Variants in H2AZ2 observed in about 807,000 individuals in gnomAD.
H2AZ2 encodes H2A.Z variant histone 2.
In H2AZ2, 5 loss-of-function variants were observed where a neutral mutation model predicts 15.5. The observed-to-expected ratio is 0.32, with a 90% CI of 0.17 to 0.68. The LOEUF (loss-of-function observed/expected upper bound fraction) is 0.68, where lower values mean the gene tolerates loss of function less well. Ranked by LOEUF, H2AZ2 falls within the 30% of genes least tolerant of loss-of-function variation. The probability of loss-of-function intolerance (pLI) is 0.72; values close to 1 mark genes in which losing one functional copy is unlikely to be tolerated. For synonymous variants in H2AZ2, 44 were observed against 57.4 expected (o/e 0.77, Z 1.05); for missense variants, 42 against 162.5 (o/e 0.26, Z 4.03).
At chr7:44,842,677 T>A (rs554798324) in intron 2 of H2AZ2, among the ~76,000 whole-genome samples, 1 of 152,152 alleles carries the variant, frequency 6.6e-6, no homozygotes, top group Non-Finnish European at 1.5e-5. Context: ...TTAAAATAAA[T>A]TCTAATTGGG....
At chr7:44,827,895 T>C (rs1792947707), downstream of H2AZ2, 1 of 152,208 alleles carries the variant, frequency 6.6e-6, no homozygotes, top group African/African-American at 2.4e-5. Context: ...CATTCTGATT[T>C]CACTAATTTT....
At chr7:44,835,426 A>ATT (rs1276841369) in intron 4 of H2AZ2, 103 bp downstream of exon 4, 10 of 859,358 alleles carry the variant, frequency 1.2e-5, no homozygotes, top group Non-Finnish European at 1.5e-5. Context: ...ATTAAAGTTT[A>ATT]TATGCTTTCT....
intron 3 of H2AZ2, among the ~76,000 whole-genome samples, chr7:44,836,610 C>T (rs961429367): frequency 6.6e-5 from 10 of 151,958 alleles, no homozygotes; most frequent in East Asian, 1.9e-4. Flanking sequence ...CACCACCTCC[C>T]GGGTTCAAAC....
intron 2 of H2AZ2, among the ~76,000 whole-genome samples, chr7:44,841,943 T>C (rs552442037): frequency 6.6e-6 from 1 of 152,252 alleles, no homozygotes; most frequent in Non-Finnish European, 1.5e-5. Context: ...AAAGACTGAA[T>C]TGAAAAAACA....
At position 44,833,311 on chromosome 7, in the gene H2AZ2, C is replaced by G. The variant is rs910777617; in HGVS notation, c.*1190G>C. Among the ~76,000 whole-genome samples the G allele has an allele frequency of 6.6e-6, 1 of 152,154 alleles. No homozygotes were observed. The highest frequency in any genetic ancestry group is 2.4e-5 in the African/African-American group (1 of 41,426). On this transcript the variant is annotated 3_prime_UTR_variant, in exon 5 of 5. Coordinates refer to ENST00000308153, the MANE Select transcript of H2AZ2 (RefSeq NM_012412.5). Reference sequence around the variant, plus strand: ...GCAGTGGCGCCATCTTGGCTCACTGCAAGCTCCGCCTCCCGGGTTCACGTC... The same window carrying G: ...GCAGTGGCGCCATCTTGGCTCACTGGAAGCTCCGCCTCCCGGGTTCACGTC...
Position 44,832,390 on chromosome 7 carries a change from C to T in H2AZ2, c.*2111G>A, listed in dbSNP as rs1006477448. Among the ~76,000 whole-genome samples, 1 of 152,080 alleles carries T rather than the reference C, an allele frequency of 6.6e-6. No individual in the cohort carries two copies. Among genetic ancestry groups the T allele is most frequent in the East Asian group, 1.9e-4 (1 of 5,190 alleles). On this transcript the variant is annotated 3_prime_UTR_variant, in exon 5 of 5. Coordinates refer to ENST00000308153, the MANE Select transcript of H2AZ2 (RefSeq NM_012412.5). ...GCCTGTTAATGGGACTCAAACTGATCCCTGTGGGTTGGGGCAGGGGATAGG... is the reference window on the plus strand; with the variant it reads ...GCCTGTTAATGGGACTCAAACTGATTCCTGTGGGTTGGGGCAGGGGATAGG...
rs890409711 is a variant in H2AZ2 at position 44,848,015 on chromosome 7, C to G, written c.-44G>C. 133 of 1,252,522 alleles carry G rather than the reference C, an allele frequency of 1.1e-4. No homozygotes were observed. Among genetic ancestry groups the G allele is most frequent in the Non-Finnish European group, 1.3e-4 (126 of 990,850 alleles). The allele number at this position is 1,252,522 out of a possible 1,614,324, so 77.6% of individuals were successfully genotyped here. ...GCCTCCGCTCGGCCGCGCGCCCTCC[C>G]GCTGCCGACCCGCGCCGCCGCCGCC... On this transcript the variant is annotated 5_prime_UTR_variant, in exon 1 of 5. Transcript: ENST00000308153.
chr7:44,833,318 C>T lies in H2AZ2; in HGVS notation c.*1183G>A, dbSNP rs976184329. 3.9e-5 allele frequency among the ~76,000 whole-genome samples: 6 copies of T among 152,072 alleles called. No homozygotes were observed. Among genetic ancestry groups the T allele is most frequent in the Admixed American group, 3.3e-4 (5 of 15,268 alleles). ...CGCCATCTTGGCTCACTGCAAGCTCCGCCTCCCGGGTTCACGTCATTCTCA... is the reference window on the plus strand; with the variant it reads ...CGCCATCTTGGCTCACTGCAAGCTCTGCCTCCCGGGTTCACGTCATTCTCA... On this transcript the variant is annotated 3_prime_UTR_variant, in exon 5 of 5. Coordinates refer to ENST00000308153, the MANE Select transcript of H2AZ2 (RefSeq NM_012412.5).
Position 44,843,137 on chromosome 7 carries a change from C to CAAAAAAAAAAAAAAAA in H2AZ2, c.81+124_81+139dup, listed in dbSNP as rs55941046. ...CTGACGACAGAGTGAGACTCTGTCT[C>CAAAAAAAAAAAAAAAA]AAAAAAAAAAAAAAAAAAAAAAAAA... On this transcript the variant is annotated intron_variant, in intron 2 of 4. Transcript: ENST00000308153. The CAAAAAAAAAAAAAAAA allele has an allele frequency of 1.4e-4, 12 of 84,036 alleles. 3 individuals carry two copies. Among genetic ancestry groups the CAAAAAAAAAAAAAAAA allele is most frequent in the Admixed American group, 1.0e-3 (4 of 3,864 alleles). 5.2% of individuals were successfully genotyped at this position (84,036 alleles called of 1,614,324 possible).
At position 44,835,565 on chromosome 7, in the gene H2AZ2, A is replaced by G. The variant is rs1168183775; in HGVS notation, c.289T>C (p.Leu97=). The part of the protein sequence containing the change: ...LQLAIRGDEE[L]DSLIKATIAG... ...ATGGTAGCCTTGATAAGAGAATCCA[A>G]CTCTTCATCACCACGGATTGCAAGC... The change falls in exon 4 of 5, where the codon TTG becomes CTG. Residue 97 remains leucine, a synonymous_variant. Coordinates refer to ENST00000308153, the MANE Select transcript of H2AZ2 (RefSeq NM_012412.5). The G allele has an allele frequency of 1.9e-6, 3 of 1,613,674 alleles. No individual in the cohort carries two copies. The highest frequency in any genetic ancestry group is 2.5e-6 in the Non-Finnish European group (3 of 1,179,844).
chr7:44,831,566 T>G (rs1241650571), downstream of H2AZ2, among the ~76,000 whole-genome samples: 1 of 150,056 alleles, frequency 6.7e-6, no homozygotes, highest in Non-Finnish European at 1.5e-5. Flanking sequence ...ACAATCAGCT[T>G]TCTATTGCTA....
chr7:44,827,623 A>G (rs1337939264), downstream of H2AZ2: 2 of 152,222 alleles, frequency 1.3e-5, no homozygotes, highest in African/African-American at 4.8e-5. Context: ...TAAAATTTTA[A>G]AAGGTTTTGT....
At chr7:44,839,324 CTTGA>C (rs1006379205) in intron 3 of H2AZ2, among the ~76,000 whole-genome samples, 6 of 152,172 alleles carry the variant, frequency 3.9e-5, no homozygotes, top group African/African-American at 1.4e-4. Flanking sequence ...GGGAGGACCA[CTTGA>C]GGCTAGGAGT....
At chr7:44,827,500 T>C (rs1025310278), downstream of H2AZ2, 3 of 152,246 alleles carry the variant, frequency 2.0e-5, no homozygotes, top group Non-Finnish European at 4.4e-5. Context: ...TGGGCTTCCC[T>C]GAAGAATCTG....
chr7:44,838,568 A>G (rs1793189985), intron 3 of H2AZ2, among the ~76,000 whole-genome samples: 1 of 152,104 alleles, frequency 6.6e-6, no homozygotes, highest in South Asian at 2.1e-4. Flanking sequence ...TGGGAGAATT[A>G]CTGGAACCCA....
At chr7:44,843,202 G>A (rs118118848) in intron 2 of H2AZ2, 75 bp downstream of exon 2, 5,790 of 277,908 alleles carry the variant, frequency 0.021, 61 homozygotes, top group Non-Finnish European at 0.022. Context: ...GTAGATTTTT[G>A]TAATTGATGA....
intron 2 of H2AZ2, among the ~76,000 whole-genome samples, chr7:44,841,707 G>C (rs969307396): frequency 6.6e-6 from 1 of 152,028 alleles, no homozygotes; most frequent in African/African-American, 2.4e-5. Flanking sequence ...GGTTTTGAGT[G>C]ATCTGTCCAC....
rs1793322641 is a variant in H2AZ2 at position 44,843,322 on chromosome 7, C to T, written c.36G>A (p.Lys12=). The T allele has an allele frequency of 1.9e-6, 3 of 1,612,968 alleles. No individual in the cohort carries two copies. Among genetic ancestry groups the T allele is most frequent in the Non-Finnish European group, 2.5e-6 (3 of 1,179,718 alleles). The change falls in exon 2 of 5, where the codon AAG becomes AAA. Residue 12 remains lysine (K), a synonymous_variant. Coordinates refer to ENST00000308153, the MANE Select transcript of H2AZ2 (RefSeq NM_012412.5). ...AGGKAGKDSG[K]AKAKAVSRSQ... is the part of the protein sequence containing the mutation. ...AGCGAGATACTGCCTTAGCCTTGGCCTTCCCACTGTCCTTTCCAGCTTTGC... is the reference window on the plus strand; with the variant it reads ...AGCGAGATACTGCCTTAGCCTTGGCTTTCCCACTGTCCTTTCCAGCTTTGC...
At chr7:44,835,397 T>C in intron 4 of H2AZ2, 132 bp downstream of exon 4, 1 of 616,704 alleles carries the variant, frequency 1.6e-6, no homozygotes, top group South Asian at 3.5e-5. Flanking sequence ...AGAATTGTTA[T>C]AGATTTAGTA....
Sources: allele counts gnomAD v4.1 joint callset (sites outside exome capture counted in the v4.1 genomes callset), GRCh38; gene constraint gnomAD v4.1.1; transcripts MANE v1.5; gene names NCBI Gene and HGNC (gene_info 2026-07-23, HGNC 2026-07-21).